TMEM132E: variants seen among roughly 807,000 people sequenced by gnomAD.
TMEM132E encodes the protein transmembrane protein 132E.
In TMEM132E, 49 loss-of-function variants were observed where a neutral mutation model predicts 78.5. The ratio of observed to expected loss-of-function variants is 0.62; its 90% CI spans 0.50 to 0.79. TMEM132E has a LOEUF of 0.79. TMEM132E is among the 30% of genes least tolerant of loss of function. The pLI, the probability that TMEM132E is intolerant of heterozygous loss-of-function variation, is 0.00. For synonymous variants in TMEM132E, 715 were observed against 670.6 expected, an observed-to-expected ratio of 1.07 and a Z score of -1.02; for missense variants, 1,403 against 1,470.9, an observed-to-expected ratio of 0.95 and a Z score of 0.75.
chr17:34,627,105 T>C (rs1408850528), intron 2 of TMEM132E, 48 bp downstream of exon 2: 4 of 1,109,316 alleles, frequency 3.6e-6, no homozygotes, highest in Non-Finnish European at 2.6e-6. Flanking sequence ...CAAGATCAAA[T>C]GCATACCTGA....
intron 1 of TMEM132E, among the ~76,000 whole-genome samples, chr17:34,615,270 C>A (rs2142070437): frequency 6.6e-6 from 1 of 152,256 alleles, no homozygotes; most frequent in South Asian, 2.1e-4. Context: ...CAGACCTAGC[C>A]CCCAAGTTAG....
intron 1 of TMEM132E, among the ~76,000 whole-genome samples, chr17:34,585,274 G>A (rs1329590300): frequency 6.6e-6 from 1 of 152,234 alleles, no homozygotes; most frequent in Non-Finnish European, 1.5e-5. Flanking sequence ...TGGAATACCA[G>A]AGCTGGACTT....
At chr17:34,603,437 G>A (rs776116325) in intron 1 of TMEM132E, among the ~76,000 whole-genome samples, 42 of 152,150 alleles carry the variant, frequency 2.8e-4, no homozygotes, top group Non-Finnish European at 4.6e-4. Context: ...GTTCCACAGA[G>A]GCTAGAGTAT....
intron 1 of TMEM132E, among the ~76,000 whole-genome samples, chr17:34,598,623 T>A (rs1906132657): frequency 6.6e-6 from 1 of 152,210 alleles, no homozygotes; most frequent in Non-Finnish European, 1.5e-5. Context: ...TTTGTCATCC[T>A]CCCTGCACTC....
At chr17:34,590,917 G>A (rs947321513) in intron 1 of TMEM132E, among the ~76,000 whole-genome samples, 1 of 152,096 alleles carries the variant, frequency 6.6e-6, no homozygotes, top group Non-Finnish European at 1.5e-5. Flanking sequence ...GGGAGTGGGG[G>A]CCTTGGGATG....
Position 34,627,467 on chromosome 17 carries a change from C to CGTGTGCGTGTGTGTGTGT in TMEM132E, c.998+415_998+416insCGTGTGTGTGTGTGTGTG, listed in dbSNP as rs146318983. 6.2e-4 allele frequency among the ~76,000 whole-genome samples: 79 copies of CGTGTGCGTGTGTGTGTGT among 126,540 alleles called. 1 individual carries two copies. Among genetic ancestry groups the CGTGTGCGTGTGTGTGTGT allele is most frequent in the African/African-American group, 2.3e-3 (76 of 33,238 alleles). 83.0% of individuals were successfully genotyped at this position (126,540 alleles called of 152,430 possible). A position where few individuals can be genotyped will look rare whatever the true frequency, so the allele number is the denominator to read the frequency against. ...CCTCTTGGCTGGGAGCCAAAAGAAT[C>CGTGTGCGTGTGTGTGTGT]GTGTGTGTGTGTGTGTGTGTGTGTG... is the stretch of plus-strand genomic sequence containing the variant. On this transcript the variant is annotated intron_variant, in intron 2 of 8. Coordinates refer to ENST00000631683, the MANE Select transcript of TMEM132E (RefSeq NM_001304438.2).
Position 34,628,725 on chromosome 17 carries a change from T to G in TMEM132E, c.1145+16T>G. ...TGCCCCCCAGGTGAGCCCGAGGTGG[T>G]GCATCTACCCACCTCTTCGCAAAGC... On this transcript the variant is annotated intron_variant, in intron 3 of 8. Coordinates refer to ENST00000631683, the MANE Select transcript of TMEM132E (RefSeq NM_001304438.2). The G allele has an allele frequency of 6.4e-7, 1 of 1,572,256 alleles. No homozygotes were observed. The highest frequency in any genetic ancestry group is 8.6e-7 in the Non-Finnish European group (1 of 1,157,940).
rs753231424 is a variant in TMEM132E at position 34,632,915 on chromosome 17, G to A, written c.1688+6G>A. On this transcript the variant is annotated splice_donor_region_variant and intron_variant, in intron 6 of 8. Transcript: ENST00000631683. ...CCTATCCTCCCCGACCGGAGGTACA[G>A]CCCCTCTCCCATGGCGGATACTTGG... 2 of 1,614,018 alleles carry A rather than the reference G, an allele frequency of 1.2e-6. No individual in the cohort carries two copies. Among genetic ancestry groups the A allele is most frequent in the Non-Finnish European group, 1.7e-6 (2 of 1,180,000 alleles).
intron 3 of TMEM132E, 112 bp from the exon 4 acceptor site, chr17:34,628,890 GCCCAGAGGGC>G: frequency 7.2e-7 from 1 of 1,389,514 alleles, no homozygotes; most frequent in Non-Finnish European, 9.7e-7. Flanking sequence ...GCTGGAGAAG[GCCCAGAGGGC>G]CCCATCAGGC....
At chr17:34,587,778 A>G (rs1567710372) in intron 1 of TMEM132E, among the ~76,000 whole-genome samples, 1 of 152,222 alleles carries the variant, frequency 6.6e-6, no homozygotes, top group Admixed American at 6.5e-5. Flanking sequence ...AAGCTTGAGC[A>G]TTCTAACTCT....
chr17:34,620,182 T>C (rs1906913732), intron 1 of TMEM132E, among the ~76,000 whole-genome samples: 1 of 152,104 alleles, frequency 6.6e-6, no homozygotes, highest in Non-Finnish European at 1.5e-5. Flanking sequence ...CCTCTGCACC[T>C]GGGGAGAAGG....
At chr17:34,632,614 C>G in intron 5 of TMEM132E, 90 bp from the exon 6 acceptor site, 2 of 1,412,500 alleles carry the variant, frequency 1.4e-6, no homozygotes, top group Non-Finnish European at 2.0e-6. Context: ...GACTTTCCCT[C>G]CAGCCCTGGT....
In TMEM132E at chr17:34,626,878, C is replaced by T. The variant is rs768507152; in HGVS notation, c.819C>T (p.Ser273=). Reference sequence around the variant, plus strand: ...AGCACCCCCTGCTGCGCATCGGGAGCATCAGCCTGTTCCGCCCGCCCCCCA... The same window carrying T: ...AGCACCCCCTGCTGCGCATCGGGAGTATCAGCCTGTTCCGCCCGCCCCCCA... ...PTQHPLLRIG[S]ISLFRPPPRR... The change falls in exon 2 of 9, where the codon AGC becomes AGT. Residue 273 remains serine (S), a synonymous_variant. Transcript: ENST00000631683. The T allele has an allele frequency of 7.4e-6, 12 of 1,610,992 alleles. No homozygotes were observed. In the East Asian group the frequency reaches 2.5e-4, roughly 33 times the overall value.
chr17:34,608,608 C>T (rs926307759), intron 1 of TMEM132E, among the ~76,000 whole-genome samples: 1 of 152,140 alleles, frequency 6.6e-6, no homozygotes, highest in African/African-American at 2.4e-5. Flanking sequence ...GTACACTTAC[C>T]CCACGTTGGA....
Position 34,592,315 on chromosome 17 carries a change from C to T in TMEM132E, c.67+11172C>T, listed in dbSNP as rs137870528. ...AGGAGGCATTCCTGCGTCCAGCAGC[C>T]GGCCCCCATCACAATGCCAAAGTTG... On this transcript the variant is annotated intron_variant, in intron 1 of 8. Transcript: ENST00000631683. 2.6e-3 allele frequency among the ~76,000 whole-genome samples: 402 copies of T among 152,300 alleles called. 1 individual carries two copies. Among genetic ancestry groups the T allele is most frequent in the African/African-American group, 9.2e-3 (383 of 41,566 alleles).
At chr17:34,633,646 G>A (rs1907423204) in intron 6 of TMEM132E, among the ~76,000 whole-genome samples, 1 of 152,236 alleles carries the variant, frequency 6.6e-6, no homozygotes, top group Non-Finnish European at 1.5e-5. Flanking sequence ...GGAAGCAGGT[G>A]GTGAGAGAAA....
intron 1 of TMEM132E, among the ~76,000 whole-genome samples, chr17:34,624,667 C>A (rs1314110806): frequency 1.3e-5 from 2 of 152,120 alleles, no homozygotes; most frequent in East Asian, 3.8e-4. Context: ...TCCAGTTACG[C>A]CACCAGCAGG....
chr17:34,601,962 G>A (rs893392969), intron 1 of TMEM132E, among the ~76,000 whole-genome samples: 4 of 152,204 alleles, frequency 2.6e-5, no homozygotes, highest in African/African-American at 9.6e-5. Context: ...GGAGAGGGGG[G>A]ACCCCAGCAT....
intron 1 of TMEM132E, among the ~76,000 whole-genome samples, chr17:34,607,664 T>A (rs908636569): frequency 7.2e-5 from 11 of 152,182 alleles, no homozygotes; most frequent in African/African-American, 2.7e-4. Flanking sequence ...GTACCACACT[T>A]CTGTCTGACT....
Sources: gnomAD v4.1 joint callset for allele counts (sites outside exome capture counted in the v4.1 genomes callset) on GRCh38, gnomAD v4.1.1 for gene constraint, MANE v1.5 for transcripts, NCBI Gene and HGNC (gene_info 2026-07-23, HGNC 2026-07-21) for gene names.